The following SPTB variants were observed in gnomAD, a reference collection of about 807,000 sequenced individuals.
SPTB encodes the protein spectrin beta, erythrocytic, also known as spectrin beta chain, erythrocytic.
In SPTB, 45 loss-of-function variants were observed where a neutral mutation model predicts 256.2. The ratio of observed to expected loss-of-function variants is 0.18; its 90% confidence interval spans 0.14 to 0.23. The LOEUF (loss-of-function observed/expected upper bound fraction) is 0.23, where lower values mean the gene tolerates loss of function less well. Ranked by LOEUF, SPTB falls within the 10% of genes least tolerant of loss-of-function variation. The pLI is 1.00. For missense variants in SPTB, 2,715 were observed against 3,040.4 expected, an observed-to-expected ratio of 0.89 and a Z score of 2.52; for synonymous variants, 1,231 against 1,243.1, an observed-to-expected ratio of 0.99 and a Z score of 0.21.
Position 64,799,940 on chromosome 14 carries a change from G to A in SPTB, c.877-6C>T, listed in dbSNP as rs757720346. The A allele has an allele frequency of 6.2e-7, 1 of 1,614,026 alleles. No homozygotes were observed. Among genetic ancestry groups the A allele is most frequent in the Non-Finnish European group, 8.5e-7 (1 of 1,180,014 alleles). ...TCAATGGCATGGTCAATAACCTAAG[G>A]AATCATCTTCTTACTTATTCTCATC... On this transcript the variant is annotated splice_polypyrimidine_tract_variant and splice_region_variant and intron_variant, in intron 8 of 35. Coordinates refer to ENST00000644917, the MANE Select transcript of SPTB (RefSeq NM_001355436.2).
At position 64,794,738 on chromosome 14, in the gene SPTB, C is replaced by T; in HGVS notation, c.1645-121G>A. The T allele has an allele frequency of 7.8e-6, 10 of 1,284,730 alleles. 1 individual carries two copies. The South Asian group carries it at 9.8e-5, about 13-fold the overall frequency. 79.6% of individuals were successfully genotyped at this position (1,284,730 alleles called of 1,614,324 possible). A position where few individuals can be genotyped will look rare whatever the true frequency, so the allele number is the denominator to read the frequency against. ...TGAGCAAGGGTGAGCCAAATGCAGC[C>T]AGAAAAGGGCTGCTGCTGAGGATGG... is the stretch of plus-strand genomic sequence containing the variant. On this transcript the variant is annotated intron_variant, in intron 12 of 35. Transcript: ENST00000644917.
chr14:64,870,420 T>C lies in SPTB; in HGVS notation c.-52+9372A>G, dbSNP rs1028509293. Among the ~76,000 whole-genome samples the C allele has an allele frequency of 4.6e-5, 7 of 151,932 alleles. No homozygotes were observed. In the East Asian group the frequency reaches 1.4e-3, roughly 29 times the overall value. ...ACTCTTGTCATCCAGCTCAAGGAGA[T>C]TTTTTAGCTGAAATAAAACATCGCA... On this transcript the variant is annotated intron_variant, in intron 1 of 35. Coordinates refer to ENST00000644917, the MANE Select transcript of SPTB (RefSeq NM_001355436.2).
intron 1 of SPTB, among the ~76,000 whole-genome samples, chr14:64,862,005 G>T (rs1462071782): frequency 1.3e-5 from 2 of 151,926 alleles, no homozygotes; most frequent in African/African-American, 4.8e-5. Context: ...CAAAGTTAAG[G>T]CCTCTCTTCT....
At chr14:64,876,152 G>C (rs1316750005) in intron 1 of SPTB, among the ~76,000 whole-genome samples, 1 of 151,888 alleles carries the variant, frequency 6.6e-6, no homozygotes, top group Non-Finnish European at 1.5e-5. Flanking sequence ...TTTTTTGTTT[G>C]TTTGTTTGAG....
Position 64,793,650 on chromosome 14 carries a change from A to G in SPTB, c.2013T>C (p.Ser671=). The G allele has an allele frequency of 6.2e-7, 1 of 1,614,160 alleles. No homozygotes were observed. The highest frequency in any genetic ancestry group is 8.5e-7 in the Non-Finnish European group (1 of 1,180,046). Residue 671 remains serine, a synonymous_variant, in exon 14 of 36, where the codon AGT becomes AGC. Coordinates refer to ENST00000644917, the MANE Select transcript of SPTB (RefSeq NM_001355436.2). The surrounding 1 kb of genome is among the most constrained non-coding windows in gnomAD (Gnocchi z 7.0). ...SSLDYGKDLT[S]VLILQRKHKA... is the part of the protein sequence containing the mutation. ...TGTGCTTGCGCTGTAAGATGAGCAC[A>G]CTGGTCAGGTCTTTGCCATAGTCCA...
intron 1 of SPTB, among the ~76,000 whole-genome samples, chr14:64,870,556 T>C (rs535659733): frequency 6.6e-6 from 1 of 152,206 alleles, no homozygotes; most frequent in Non-Finnish European, 1.5e-5. Context: ...GGCACACTAA[T>C]AAATGAACAA....
intron 1 of SPTB, among the ~76,000 whole-genome samples, chr14:64,842,374 A>G (rs1314464129): frequency 6.6e-6 from 1 of 152,208 alleles, no homozygotes; most frequent in Admixed American, 6.5e-5. Flanking sequence ...ATAGTAGACT[A>G]AGGTAACTTT....
At chr14:64,850,779 A>T (rs1487276845) in intron 1 of SPTB, among the ~76,000 whole-genome samples, 1 of 152,186 alleles carries the variant, frequency 6.6e-6, no homozygotes, top group Non-Finnish European at 1.5e-5. Flanking sequence ...TGATTCCACA[A>T]TTCTTCCTCT....
rs746143876 is a variant in SPTB, at chr14:64,779,817, G to A, written c.4381C>T (p.Leu1461=). ...CTTCCTAGGGGTTCCAGGAGGTCCA[G>A]GAACCGCTTCTCGATGCTCAAGTCT... is the stretch of plus-strand genomic sequence containing the variant. ...DADLSIEKRF[L]DLLEPLGRRK... Residue 1461 remains leucine, a synonymous_variant, in exon 21 of 36, where the codon CTG becomes TTG. Coordinates refer to ENST00000644917, the MANE Select transcript of SPTB (RefSeq NM_001355436.2). This position sits in a 1 kb window ranked among gnomAD's most constrained non-coding sequence, Gnocchi z 4.2. 3.7e-6 allele frequency: 6 copies of A among 1,614,002 alleles called. No individual in the cohort carries two copies. In the African/African-American group the frequency reaches 4.0e-5, roughly 11 times the overall value.
Position 64,824,542 on chromosome 14 carries a change from G to A in SPTB, c.-51-1397C>T, listed in dbSNP as rs1209263799. ...AGGGACTCCAAGATCAAGTCTGTAA[G>A]AGAATAGGGGACCCAGAGCCTTCAC... On this transcript the variant is annotated intron_variant, in intron 1 of 35. Coordinates refer to ENST00000644917, the MANE Select transcript of SPTB (RefSeq NM_001355436.2). This position sits in a 1 kb window ranked among gnomAD's most constrained non-coding sequence, Gnocchi z 5.7. Among the ~76,000 whole-genome samples the A allele has an allele frequency of 6.6e-6, 1 of 152,166 alleles. No individual in the cohort carries two copies. Among genetic ancestry groups the A allele is most frequent in the Non-Finnish European group, 1.5e-5 (1 of 68,022 alleles).
chr14:64,773,099 T>C, intron 25 of SPTB, 121 bp downstream of exon 25: 2 of 1,545,170 alleles, frequency 1.3e-6, no homozygotes, highest in Non-Finnish European at 1.8e-6. Context: ...CTGCATCGGC[T>C]GGTCCCGCCT....
intron 28 of SPTB, 144 bp from the exon 29 acceptor site, chr14:64,769,262 T>A (rs1019735282): frequency 1.2e-6 from 1 of 852,442 alleles, no homozygotes; most frequent in African/African-American, 1.7e-5. Context: ...GCCAGCTGTG[T>A]GGCCTGGGGC....
Position 64,826,668 on chromosome 14 carries a change from A to G in SPTB, c.-51-3523T>C, listed in dbSNP as rs229617. ...CCCTGGCTTACCCACAAGTCCCCCA[A>G]AATTCCTTCTCTGAACCCACCTGAC... On this transcript the variant is annotated intron_variant, in intron 1 of 35. Transcript: ENST00000644917. This position sits in a 1 kb window ranked among gnomAD's most constrained non-coding sequence, Gnocchi z 4.4. Among the ~76,000 whole-genome samples the G allele has an allele frequency of 0.096, 14,657 of 152,094 alleles. 1,573 individuals are homozygous for G. The highest frequency in any genetic ancestry group is 0.26 in the African/African-American group (10,605 of 41,414).
Position 64,764,803 on chromosome 14 carries a change from G to A in SPTB, c.6345+1923C>T, listed in dbSNP as rs1254734074. ...AGTCTGTGCCGGCCCCCCAGAGTTC[G>A]CTCTCCTTCCGGCAGGGGCTGTTGC... On this transcript the variant is annotated intron_variant, in intron 32 of 35. Coordinates refer to ENST00000644917, the MANE Select transcript of SPTB (RefSeq NM_001355436.2). The surrounding 1 kb of genome is among the most constrained non-coding windows in gnomAD (Gnocchi z 4.2). 1.3e-5 allele frequency among the ~76,000 whole-genome samples: 2 copies of A among 152,150 alleles called. No homozygotes were observed.
chr14:64,796,497 A>G lies in SPTB; in HGVS notation c.1341+60T>C. On this transcript the variant is annotated intron_variant, in intron 11 of 35. Coordinates refer to ENST00000644917, the MANE Select transcript of SPTB (RefSeq NM_001355436.2). This position sits in a 1 kb window ranked among gnomAD's most constrained non-coding sequence, Gnocchi z 4.1. Reference sequence around the variant, plus strand: ...GCCAGCTTGGACTCCAGCCCAGCCAAGAGCTGGGGGCTCTGAAGAATGTCC... The same window carrying G: ...GCCAGCTTGGACTCCAGCCCAGCCAGGAGCTGGGGGCTCTGAAGAATGTCC... 1 of 1,609,076 alleles carries G rather than the reference A, an allele frequency of 6.2e-7. No individual in the cohort carries two copies. Among genetic ancestry groups the G allele is most frequent in the Admixed American group, 1.7e-5 (1 of 60,024 alleles).
Position 64,824,032 on chromosome 14 carries a change from T to C in SPTB, c.-51-887A>G, listed in dbSNP as rs2083340668. Among the ~76,000 whole-genome samples, 2 of 152,168 alleles carry C rather than the reference T, an allele frequency of 1.3e-5. No homozygotes were observed. The highest frequency in any genetic ancestry group is 6.5e-5 in the Admixed American group (1 of 15,276). On this transcript the variant is annotated intron_variant, in intron 1 of 35. Coordinates refer to ENST00000644917, the MANE Select transcript of SPTB (RefSeq NM_001355436.2). This position sits in a 1 kb window ranked among gnomAD's most constrained non-coding sequence, Gnocchi z 5.7. ...CATTCATTTACAGTTAATTCAAATA[T>C]GTACCAAGCTCCAACTAGGTGGCAG...
rs917163516 is a variant in SPTB, at chr14:64,816,505, T to C, written c.148+6442A>G. ...CCCCTGAACTGAGAGCTGCAGTTTATGTTACAAACTTTATAGTTCCCAGCA... is the reference window on the plus strand; with the variant it reads ...CCCCTGAACTGAGAGCTGCAGTTTACGTTACAAACTTTATAGTTCCCAGCA... On this transcript the variant is annotated intron_variant, in intron 2 of 35. Transcript: ENST00000644917. The surrounding 1 kb of genome is among the most constrained non-coding windows in gnomAD (Gnocchi z 4.2). 2.0e-5 allele frequency among the ~76,000 whole-genome samples: 3 copies of C among 152,200 alleles called. No homozygotes were observed. The highest frequency in any genetic ancestry group is 2.9e-5 in the Non-Finnish European group (2 of 68,038).
chr14:64,863,986 A>G (rs566315130), intron 1 of SPTB, among the ~76,000 whole-genome samples: 192 of 152,342 alleles, frequency 1.3e-3, no homozygotes, highest in Non-Finnish European at 1.0e-3. Flanking sequence ...GGCAGCTGGC[A>G]TATGACAGGG....
rs1299742669 is a variant in SPTB at position 64,749,164 on chromosome 14, C to G, written c.*142G>C. On this transcript the variant is annotated 3_prime_UTR_variant, in exon 36 of 36. Coordinates refer to ENST00000644917, the MANE Select transcript of SPTB (RefSeq NM_001355436.2). The surrounding 1 kb of genome is among the most constrained non-coding windows in gnomAD (Gnocchi z 4.7). ...GACACGCGGGCGAAGGCAGCTTTTG[C>G]AGTGCAGCGTGGGGCCCGGGGGCCC... is the stretch of plus-strand genomic sequence containing the variant. 1 of 980,408 alleles carries G rather than the reference C, an allele frequency of 1.0e-6. No homozygotes were observed. Among genetic ancestry groups the G allele is most frequent in the African/African-American group, 1.7e-5 (1 of 59,980 alleles). 60.7% of individuals were successfully genotyped at this position (980,408 alleles called of 1,614,324 possible).
Sources: gnomAD v4.1 joint callset for allele counts (sites outside exome capture counted in the v4.1 genomes callset) on GRCh38, gnomAD v4.1.1 for gene constraint, Gnocchi (gnomAD v3.1) non-coding constraint, MANE v1.5 for transcripts, NCBI Gene and HGNC (gene_info 2026-07-23, HGNC 2026-07-21) for gene names.